Variants in PCDH11X observed in about 807,000 individuals in gnomAD.
The protein encoded by PCDH11X is protocadherin 11 X-linked.
In PCDH11X, 18 loss-of-function variants were observed where a neutral mutation model predicts 53.3. The observed-to-expected ratio is 0.34, with a 90% CI of 0.23 to 0.50. The LOEUF is 0.50. Among genes scored for constraint, PCDH11X ranks in the 20% least tolerant of loss-of-function variants. The pLI, the probability that PCDH11X is intolerant of heterozygous loss-of-function variation, is 0.98. For synonymous variants in PCDH11X, 279 were observed against 393.3 expected (o/e 0.71, Z 3.44); for missense variants, 570 against 1,032.4 (o/e 0.55, Z 6.14).
intron 6 of PCDH11X, among the ~76,000 whole-genome samples, chrX:91,939,469 C>G (rs1440590584): frequency 4.6e-5 from 5 of 109,787 alleles, no homozygotes; most frequent in Non-Finnish European, 9.5e-5. Context: ...AATTTAATGA[C>G]GACTCTGAAC....
rs1005870889 is a variant in PCDH11X, at chrX:92,449,571, G to A, written c.3344-18728G>A. 4.5e-5 allele frequency among the ~76,000 whole-genome samples: 5 copies of A among 111,689 alleles called. No individual in the cohort carries two copies. The East Asian group carries it at 1.1e-3, about 25-fold the overall frequency. ...AGATGTGGAAATTGAGGCTGGAGAA[G>A]GATAGATTATTTGCACAAATTTCAC... On this transcript the variant is annotated intron_variant, in intron 9 of 10. Coordinates refer to ENST00000682573, the MANE Select transcript of PCDH11X (RefSeq NM_032968.5).
intron 1 of PCDH11X, among the ~76,000 whole-genome samples, chrX:91,792,310 G>C (rs5984817): frequency 0.32 from 35,746 of 110,613 alleles, 4,720 homozygotes; most frequent in African/African-American, 0.5. Flanking sequence ...ATATTAGAAT[G>C]GTTCAAAATA....
At chrX:92,539,571 T>C (rs960467371) in intron 10 of PCDH11X, among the ~76,000 whole-genome samples, 23 of 111,754 alleles carry the variant, frequency 2.1e-4, no homozygotes, top group Non-Finnish European at 3.8e-4. Flanking sequence ...AGGTCACATG[T>C]CCCTGTTTCT....
chrX:92,133,638 T>C (rs1603017951), intron 6 of PCDH11X, among the ~76,000 whole-genome samples: 1 of 112,519 alleles, frequency 8.9e-6, no homozygotes, highest in Non-Finnish European at 1.9e-5. Flanking sequence ...AGTGCTGTGA[T>C]TACAGGCGTG....
At chrX:92,249,570 G>A (rs1300501312) in intron 7 of PCDH11X, among the ~76,000 whole-genome samples, 1 of 112,457 alleles carries the variant, frequency 8.9e-6, no homozygotes, top group East Asian at 2.8e-4. Flanking sequence ...CTAGGGTTTT[G>A]AATAAGCCAA....
rs1156909901 is a variant in PCDH11X at position 92,118,843 on chromosome X, G to A, written c.3034-82532G>A. ...TGCGAGCTCCGCCTCCCGGGTTCAC[G>A]CCATTCTCCTGCCTCAGCCTCCCGA... On this transcript the variant is annotated intron_variant, in intron 6 of 10. Coordinates refer to ENST00000682573, the MANE Select transcript of PCDH11X (RefSeq NM_032968.5). 6.4e-3 allele frequency among the ~76,000 whole-genome samples: 603 copies of A among 94,015 alleles called. 6 individuals are homozygous for A. The highest frequency in any genetic ancestry group is 0.027 in the Admixed American group (209 of 7,729). 81.6% of individuals were successfully genotyped at this position (94,015 alleles called of 115,157 possible).
intron 7 of PCDH11X, among the ~76,000 whole-genome samples, chrX:92,231,798 TG>T (rs2067079482): frequency 8.9e-6 from 1 of 112,115 alleles, no homozygotes; most frequent in African/African-American, 3.2e-5. Flanking sequence ...TAAGTTCTTA[TG>T]GACATTGGCT....
chrX:91,913,061 C>CT (rs1369996470), intron 6 of PCDH11X, among the ~76,000 whole-genome samples: 1 of 111,435 alleles, frequency 9.0e-6, no homozygotes, highest in Non-Finnish European at 1.9e-5. Flanking sequence ...GCCTCCACCT[C>CT]TAACCTAGAA....
intron 6 of PCDH11X, among the ~76,000 whole-genome samples, chrX:92,157,937 G>T (rs896526469): frequency 8.9e-6 from 1 of 111,805 alleles, no homozygotes; most frequent in Non-Finnish European, 1.9e-5. Flanking sequence ...CAAGAAGGCC[G>T]GTCGCGGTAG....
chrX:92,089,629 T>C (rs1301935144), intron 6 of PCDH11X, among the ~76,000 whole-genome samples: 2 of 107,284 alleles, frequency 1.9e-5, no homozygotes, highest in Non-Finnish European at 3.9e-5. Flanking sequence ...TTCAAACGAT[T>C]CTCCTGTCTC....
intron 6 of PCDH11X, among the ~76,000 whole-genome samples, chrX:92,011,130 G>T (rs1484075956): frequency 1.8e-5 from 2 of 111,826 alleles, no homozygotes; most frequent in South Asian, 7.5e-4. Context: ...CACAGCCAAT[G>T]GGTATCTAGG....
At chrX:92,599,448 A>C (rs1925997283) in intron 10 of PCDH11X, among the ~76,000 whole-genome samples, 1 of 111,631 alleles carries the variant, frequency 9.0e-6, no homozygotes, top group Non-Finnish European at 1.9e-5. Flanking sequence ...GTAGTAAATA[A>C]GTCTCAAGAG....
At position 92,221,841 on chromosome X, in the gene PCDH11X, A is replaced by AT. The variant is rs35858406; in HGVS notation, c.3114+20398dup. 3.6e-3 allele frequency among the ~76,000 whole-genome samples: 373 copies of AT among 104,957 alleles called. 1 individual carries two copies. Among genetic ancestry groups the AT allele is most frequent in the Middle Eastern group, 0.025 (5 of 203 alleles). 91.1% of individuals were successfully genotyped at this position (104,957 alleles called of 115,157 possible). A position where few individuals can be genotyped will look rare whatever the true frequency, so the allele number is the denominator to read the frequency against. The stretch of plus-strand genomic sequence containing the variant: ...CAGAGCAAACCATTTTCTTAAATAG[A>AT]TTTTTTTTTTTTGAGACAGGGTTTT... On this transcript the variant is annotated intron_variant, in intron 7 of 10. Transcript: ENST00000682573.
chrX:92,501,743 G>A (rs758641472), intron 10 of PCDH11X, among the ~76,000 whole-genome samples: 2 of 111,221 alleles, frequency 1.8e-5, no homozygotes, highest in African/African-American at 3.3e-5. Flanking sequence ...AACCATATAT[G>A]ACAAACCCAC....
intron 8 of PCDH11X, among the ~76,000 whole-genome samples, chrX:92,370,911 G>A (rs1209430789): frequency 8.9e-6 from 1 of 111,872 alleles, no homozygotes; most frequent in Non-Finnish European, 1.9e-5. Context: ...GTGCATGTAT[G>A]CTAATAATTA....
chrX:92,394,138 G>C (rs1603299009), intron 9 of PCDH11X, among the ~76,000 whole-genome samples: 1 of 111,533 alleles, frequency 9.0e-6, no homozygotes, highest in East Asian at 2.8e-4. Context: ...CTTTATGCTA[G>C]AGATAATCTT....
At chrX:91,886,950 G>C (rs1427187195) in intron 6 of PCDH11X, among the ~76,000 whole-genome samples, 5 of 88,639 alleles carry the variant, frequency 5.6e-5, no homozygotes, top group East Asian at 3.4e-4. Context: ...CAGCCTGGGC[G>C]ACAGAGCTAG....
intron 8 of PCDH11X, among the ~76,000 whole-genome samples, chrX:92,355,206 T>C: frequency 1.1e-5 from 1 of 94,154 alleles, no homozygotes; most frequent in Non-Finnish European, 2.0e-5. Flanking sequence ...GGCGGGCGGA[T>C]CATGAGGTCA....
At chrX:91,926,635 T>C (rs959243673) in intron 6 of PCDH11X, among the ~76,000 whole-genome samples, 3 of 111,158 alleles carry the variant, frequency 2.7e-5, no homozygotes, top group African/African-American at 9.8e-5. Flanking sequence ...GTAATTCTTA[T>C]TGTAATAGAG....
Sources: gnomAD v4.1 joint callset for allele counts (sites outside exome capture counted in the v4.1 genomes callset) on GRCh38, gnomAD v4.1.1 for gene constraint, MANE v1.5 for transcripts, NCBI Gene and HGNC (gene_info 2026-07-23, HGNC 2026-07-21) for gene names.